SNX29: variants seen among roughly 807,000 people sequenced by gnomAD.
The protein encoded by SNX29 is sorting nexin-29.
SNX29 carries 78 observed loss-of-function variants against 102.1 expected under a neutral mutation model. The observed-to-expected ratio is 0.76, with a 90% CI of 0.64 to 0.92. The LOEUF is 0.92. Among genes scored for constraint, SNX29 ranks in the 40% least tolerant of loss-of-function variants. The probability of loss-of-function intolerance (pLI) is 0.00; values close to 1 mark genes in which losing one functional copy is unlikely to be tolerated. For synonymous variants in SNX29, 580 were observed against 414.5 expected (o/e 1.40, Z -4.85); for missense variants, 1,280 against 1,061.7 (o/e 1.21, Z -2.86).
At chr16:11,981,823 C>A (rs1373060609) in intron 1 of SNX29, among the ~76,000 whole-genome samples, 1 of 152,046 alleles carries the variant, frequency 6.6e-6, no homozygotes, top group Admixed American at 6.6e-5. Flanking sequence ...CTGTGGACAC[C>A]TGACGGAAAG....
chr16:12,101,267 G>T (rs539958196), intron 11 of SNX29, among the ~76,000 whole-genome samples: 39 of 147,458 alleles, frequency 2.6e-4, no homozygotes, highest in Middle Eastern at 3.7e-3. Context: ...TTCTTCATCT[G>T]GGTGTCCTAA....
intron 20 of SNX29, among the ~76,000 whole-genome samples, chr16:12,556,728 G>C (rs1045279238): frequency 1.4e-4 from 22 of 152,282 alleles, no homozygotes; most frequent in Non-Finnish European, 3.2e-4. Context: ...GATTTTGTTT[G>C]GAATGTGAAT....
At chr16:12,562,963 A>T (rs1345882282) in intron 20 of SNX29, among the ~76,000 whole-genome samples, 1 of 128,692 alleles carries the variant, frequency 7.8e-6, no homozygotes, top group African/African-American at 3.2e-5. Context: ...TTCACCCAAC[A>T]CAAGGGGTGA....
Position 12,571,875 on chromosome 16 carries a change from T to G in SNX29, c.*3246T>G. The stretch of plus-strand genomic sequence containing the variant: ...CGTTGCTGGCAAGGCATTTTAGAGT[T>G]TGGAGCTGAGGTTCAAAGCCCCCTG... On this transcript the variant is annotated 3_prime_UTR_variant, in exon 21 of 21. Transcript: ENST00000566228. The G allele has an allele frequency of 9.4e-7, 1 of 1,061,604 alleles. No homozygotes were observed. The highest frequency in any genetic ancestry group is 1.6e-5 in the African/African-American group (1 of 60,960). The allele number at this position is 1,061,604 out of a possible 1,614,324, so 65.8% of individuals were successfully genotyped here. A position where few individuals can be genotyped will look rare whatever the true frequency, so the allele number is the denominator to read the frequency against.
At chr16:12,442,366 C>G (rs919994147) in intron 18 of SNX29, among the ~76,000 whole-genome samples, 3 of 152,196 alleles carry the variant, frequency 2.0e-5, no homozygotes, top group African/African-American at 7.2e-5. Context: ...ATTCACTCTC[C>G]TAACCCTGTT....
chr16:12,065,523 A>T (rs1567175006), intron 9 of SNX29, among the ~76,000 whole-genome samples: 1 of 152,148 alleles, frequency 6.6e-6, no homozygotes, highest in Non-Finnish European at 1.5e-5. Flanking sequence ...TTGTTTCCCC[A>T]TCAAGTCTAA....
At chr16:12,430,843 T>C (rs560607729) in intron 18 of SNX29, among the ~76,000 whole-genome samples, 3 of 150,126 alleles carry the variant, frequency 2.0e-5, no homozygotes, top group African/African-American at 7.5e-5. Context: ...GGGTGATTCT[T>C]GACGCAGTCT....
In SNX29 at chr16:12,463,976, T is replaced by C. The variant is rs528457897; in HGVS notation, c.2038-13743T>C. Among the ~76,000 whole-genome samples the C allele has an allele frequency of 5.9e-5, 9 of 152,210 alleles. No individual in the cohort carries two copies. In the South Asian group the frequency reaches 1.7e-3, roughly 28 times the overall value. ...GAACTTATCTTCTAAGAGAAAGTTA[T>C]AAGATGTACCCTTTGACCAACATCA... On this transcript the variant is annotated intron_variant, in intron 18 of 20. Transcript: ENST00000566228.
chr16:12,536,747 G>A (rs2077095749), intron 20 of SNX29, among the ~76,000 whole-genome samples: 1 of 152,194 alleles, frequency 6.6e-6, no homozygotes, highest in South Asian at 2.1e-4. Flanking sequence ...GGAGGTCAAG[G>A]CAGGCGGATC....
intron 15 of SNX29, among the ~76,000 whole-genome samples, chr16:12,332,219 G>A (rs780570492): frequency 1.3e-5 from 2 of 152,144 alleles, no homozygotes; most frequent in South Asian, 2.1e-4. Context: ...CCAGGTGTGC[G>A]TGCGGTGTGT....
chr16:12,518,374 C>G (rs566197558), intron 19 of SNX29, among the ~76,000 whole-genome samples: 10 of 152,200 alleles, frequency 6.6e-5, no homozygotes, highest in Non-Finnish European at 1.2e-4. Flanking sequence ...GCCTCCTGTT[C>G]CAGCAAGCCA....
chr16:12,233,751 C>T (rs973705955), intron 14 of SNX29, among the ~76,000 whole-genome samples: 4 of 152,126 alleles, frequency 2.6e-5, no homozygotes, highest in African/African-American at 9.7e-5. Context: ...AGCCCATTTT[C>T]CTGAGCAGTC....
chr16:12,555,793 A>ACTCCTGCC (rs200291916), intron 20 of SNX29, among the ~76,000 whole-genome samples: 2,328 of 151,740 alleles, frequency 0.015, 55 homozygotes, highest in African/African-American at 0.053. Context: ...AGGCAGGCAC[A>ACTCCTGCC]CTCCTGCCTG....
At chr16:12,212,437 G>C (rs545282466) in intron 14 of SNX29, among the ~76,000 whole-genome samples, 1 of 152,194 alleles carries the variant, frequency 6.6e-6, no homozygotes, top group Non-Finnish European at 1.5e-5. Flanking sequence ...TGGAAGAGGA[G>C]CCTGGGGAAG....
intron 17 of SNX29, among the ~76,000 whole-genome samples, chr16:12,401,252 C>T (rs1178864205): frequency 6.6e-6 from 1 of 152,086 alleles, no homozygotes; most frequent in African/African-American, 2.4e-5. Context: ...TCTCAAGTGC[C>T]TGTAACTTTC....
intron 15 of SNX29, among the ~76,000 whole-genome samples, chr16:12,337,239 C>T (rs531814392): frequency 6.6e-6 from 1 of 152,050 alleles, no homozygotes; most frequent in Non-Finnish European, 1.5e-5. Context: ...TCCACAGTTG[C>T]TGGAGATAGG....
intron 13 of SNX29, among the ~76,000 whole-genome samples, chr16:12,155,287 A>G (rs748566559): frequency 7.2e-5 from 11 of 152,220 alleles, no homozygotes; most frequent in Non-Finnish European, 1.6e-4. Context: ...GGTATATTCT[A>G]TGTATTAAGC....
At chr16:12,537,243 A>G (rs1196673217) in intron 20 of SNX29, among the ~76,000 whole-genome samples, 1 of 152,204 alleles carries the variant, frequency 6.6e-6, no homozygotes, top group African/African-American at 2.4e-5. Context: ...AGGCACACCC[A>G]AAATAATGTA....
At chr16:12,556,204 C>G (rs1315416564) in intron 20 of SNX29, 3 of 152,080 alleles carry the variant, frequency 2.0e-5, no homozygotes, top group Non-Finnish European at 2.9e-5. Flanking sequence ...TGAAATGCAA[C>G]CTAGGGTCTT....
Sources: gnomAD v4.1 joint callset for allele counts (sites outside exome capture counted in the v4.1 genomes callset) on GRCh38, gnomAD v4.1.1 for gene constraint, MANE v1.5 for transcripts, NCBI Gene and HGNC (gene_info 2026-07-23, HGNC 2026-07-21) for gene names.